HMCN1: variants seen among roughly 807,000 people sequenced by gnomAD.
HMCN1 encodes the protein hemicentin 1.
HMCN1 carries 321 observed loss-of-function variants against 625.9 expected under a neutral mutation model. That is an observed-to-expected ratio of 0.51 (90% CI 0.47 to 0.56). The LOEUF is 0.56. HMCN1 is among the 20% of genes least tolerant of loss of function. The pLI is 0.00. For synonymous variants in HMCN1, 2,425 were observed against 2,417.6 expected (o/e 1.00, Z -0.09); for missense variants, 6,588 against 6,887.3 (o/e 0.96, Z 1.54).
At chr1:186,144,511 G>C in intron 90 of HMCN1, 22 bp from the exon 91 acceptor site, 1 of 1,614,072 alleles carries the variant, frequency 6.2e-7, no homozygotes. Flanking sequence ...AAGAAAGCAT[G>C]TACCTTTTTC....
chr1:185,815,938 T>C (rs910540267), intron 1 of HMCN1, among the ~76,000 whole-genome samples: 3 of 150,118 alleles, frequency 2.0e-5, no homozygotes, highest in Non-Finnish European at 4.4e-5. Flanking sequence ...TTGTACCCCA[T>C]GAGCAATACT....
At chr1:186,065,906 CT>C (rs1430337350) in intron 49 of HMCN1, among the ~76,000 whole-genome samples, 1 of 152,158 alleles carries the variant, frequency 6.6e-6, no homozygotes, top group Admixed American at 6.5e-5. Flanking sequence ...CTTGTGCTCA[CT>C]TTTTGAAATT....
intron 54 of HMCN1, 53 bp from the exon 55 acceptor site, chr1:186,078,054 C>A: frequency 7.5e-7 from 1 of 1,327,878 alleles, no homozygotes; most frequent in Non-Finnish European, 1.1e-6. Context: ...CTGTTTATGG[C>A]TTGTGTTCAC....
intron 24 of HMCN1, among the ~76,000 whole-genome samples, chr1:185,996,453 A>G (rs540778061): frequency 1.3e-5 from 2 of 152,178 alleles, no homozygotes; most frequent in South Asian, 4.1e-4. Flanking sequence ...GGGTCAGGTT[A>G]TCCAAGACCT....
At chr1:185,954,922 G>C (rs1332530598) in intron 11 of HMCN1, among the ~76,000 whole-genome samples, 1 of 152,116 alleles carries the variant, frequency 6.6e-6, no homozygotes, top group Non-Finnish European at 1.5e-5. Context: ...TGGGTGCTTG[G>C]CATTGCTGAT....
intron 35 of HMCN1, among the ~76,000 whole-genome samples, chr1:186,021,931 A>G (rs1324988882): frequency 6.6e-6 from 1 of 152,086 alleles, no homozygotes; most frequent in Non-Finnish European, 1.5e-5. Flanking sequence ...AATGGAAAAC[A>G]GGGGATCTGA....
rs143350764 is a variant in HMCN1, at chr1:185,782,989, G to A, written c.268+47942G>A. On this transcript the variant is annotated intron_variant, in intron 1 of 106. Transcript: ENST00000271588. ...CCATTGCTTTCAGGTACACCAATCA[G>A]ACGCACATTTGGTCTTTTCATATAG... Among the ~76,000 whole-genome samples, 1,357 of 152,266 alleles carry A rather than the reference G, an allele frequency of 8.9e-3. 20 individuals carry two copies. The highest frequency in any genetic ancestry group is 0.029 in the African/African-American group (1,223 of 41,556).
chr1:186,017,082 TG>T lies in HMCN1; in HGVS notation c.5300+13del. 1 of 1,422,982 alleles carries T rather than the reference TG, an allele frequency of 7.0e-7. No individual in the cohort carries two copies. Among genetic ancestry groups the T allele is most frequent in the Non-Finnish European group, 9.9e-7 (1 of 1,005,960 alleles). 88.1% of individuals were successfully genotyped at this position (1,422,982 alleles called of 1,614,324 possible). ...CCCACCAACTATCATGTAAGGGTTT[TG>T]GTATGTCTTCTAAATACCTCCTGCT... On this transcript the variant is annotated intron_variant, in intron 33 of 106. Transcript: ENST00000271588.
intron 106 of HMCN1, among the ~76,000 whole-genome samples, chr1:186,188,648 A>G (rs1333963841): frequency 6.6e-6 from 1 of 152,160 alleles, no homozygotes; most frequent in Admixed American, 6.5e-5. Context: ...AGGCCCTGCT[A>G]ATAGGAAGGT....
chr1:185,761,316 G>A (rs1468818232), intron 1 of HMCN1, among the ~76,000 whole-genome samples: 1 of 152,134 alleles, frequency 6.6e-6, no homozygotes, highest in Non-Finnish European at 1.5e-5. Context: ...TTCTTCTGAG[G>A]CCCAGTGTAG....
intron 106 of HMCN1, among the ~76,000 whole-genome samples, chr1:186,189,252 AC>A (rs1029582563): frequency 2.0e-5 from 3 of 152,196 alleles, no homozygotes; most frequent in Admixed American, 1.3e-4. Flanking sequence ...TGGCATTCAT[AC>A]TTACTTCAAT....
At chr1:185,758,811 G>A (rs762695970) in intron 1 of HMCN1, among the ~76,000 whole-genome samples, 22 of 151,132 alleles carry the variant, frequency 1.5e-4, no homozygotes, top group Non-Finnish European at 2.8e-4. Flanking sequence ...AATTTATTAG[G>A]CATTTTCATG....
At chr1:185,827,812 C>G (rs899425425) in intron 1 of HMCN1, among the ~76,000 whole-genome samples, 6 of 151,184 alleles carry the variant, frequency 4.0e-5, no homozygotes, top group Non-Finnish European at 7.4e-5. Flanking sequence ...AACATAAAAA[C>G]ATATCCAAGT....
intron 40 of HMCN1, among the ~76,000 whole-genome samples, chr1:186,045,196 C>T (rs769670690): frequency 6.6e-6 from 1 of 152,134 alleles, no homozygotes; most frequent in Non-Finnish European, 1.5e-5. Context: ...TATTATCTGA[C>T]ACCAATTTTA....
chr1:186,041,196 T>C (rs1656183417), intron 40 of HMCN1, 60 bp downstream of exon 40: 1 of 1,449,444 alleles, frequency 6.9e-7, no homozygotes, highest in Non-Finnish European at 9.7e-7. Flanking sequence ...CCTAAAATCA[T>C]TGAGAAAGTT....
chr1:186,095,792 G>A (rs556282191), intron 68 of HMCN1, among the ~76,000 whole-genome samples: 117 of 152,188 alleles, frequency 7.7e-4, no homozygotes, highest in African/African-American at 2.7e-3. Flanking sequence ...TTGAGAAGCA[G>A]CTTTTTAAAC....
intron 30 of HMCN1, among the ~76,000 whole-genome samples, chr1:186,012,303 A>G (rs1654052191): frequency 6.6e-6 from 1 of 151,898 alleles, no homozygotes; most frequent in African/African-American, 2.4e-5. Context: ...TTCAGGTTAT[A>G]ATAAATTAGT....
chr1:185,943,528 A>G (rs999914150), intron 11 of HMCN1, among the ~76,000 whole-genome samples: 2 of 152,204 alleles, frequency 1.3e-5, no homozygotes, highest in African/African-American at 2.4e-5. Flanking sequence ...CCTTGTAGAT[A>G]TGACTCAGGT....
intron 102 of HMCN1, 66 bp from the exon 103 acceptor site, chr1:186,174,448 C>T (rs1259132501): frequency 1.3e-6 from 2 of 1,586,884 alleles, no homozygotes; most frequent in African/African-American, 1.3e-5. Flanking sequence ...AGAATGCTGA[C>T]TTTAAATACA....
Sources: allele counts gnomAD v4.1 joint callset (sites outside exome capture counted in the v4.1 genomes callset), GRCh38; gene constraint gnomAD v4.1.1; transcripts MANE v1.5; gene names NCBI Gene and HGNC (gene_info 2026-07-23, HGNC 2026-07-21).